FBN3: variants seen among roughly 807,000 people sequenced by gnomAD.
FBN3 encodes the protein fibrillin-3.
Under a neutral mutation model 330.1 loss-of-function variants are expected in FBN3, and 234 were observed. That is an observed-to-expected ratio of 0.71 (90% CI 0.64 to 0.79). The LOEUF is 0.79. FBN3 is among the 30% of genes least tolerant of loss of function. The pLI, the probability that FBN3 is intolerant of heterozygous loss-of-function variation, is 0.00. For missense variants in FBN3, 3,606 were observed against 3,886.9 expected, an observed-to-expected ratio of 0.93 and a Z score of 1.92; for synonymous variants, 1,458 against 1,517.3, an observed-to-expected ratio of 0.96 and a Z score of 0.91.
chr19:8,075,481 G>T, intron 59 of FBN3, 70 bp from the exon 60 acceptor site: 1 of 1,519,598 alleles, frequency 6.6e-7, no homozygotes. Flanking sequence ...CACAATGCCA[G>T]TCCCACCACT....
intron 10 of FBN3, among the ~76,000 whole-genome samples, chr19:8,137,301 C>CTAGATCCCTCCAACCTGGGGCCT (rs1283290508): frequency 1.3e-5 from 2 of 151,086 alleles, no homozygotes; most frequent in Non-Finnish European, 1.5e-5. Context: ...AACCTGGGCC[C>CTAGATCCCTCCAACCTGGGGCCT]TAGATCCCTC....
At chr19:8,086,823 G>C (rs1325754649) in intron 54 of FBN3, among the ~76,000 whole-genome samples, 1 of 151,468 alleles carries the variant, frequency 6.6e-6, no homozygotes, top group African/African-American at 2.4e-5. Context: ...GTCCAGGCTG[G>C]AGTGCAGCGG....
At chr19:8,124,079 C>T in intron 22 of FBN3, 71 bp from the exon 23 acceptor site, 2 of 1,301,138 alleles carry the variant, frequency 1.5e-6, no homozygotes, top group Non-Finnish European at 2.2e-6. Context: ...GCGTGCCGCT[C>T]AGTCACTCCC....
At position 8,121,415 on chromosome 19, in the gene FBN3, G is replaced by A. The variant is rs765939431; in HGVS notation, c.3083-29C>T. On this transcript the variant is annotated intron_variant, in intron 24 of 63. Transcript: ENST00000600128. This position sits in a 1 kb window ranked among gnomAD's most constrained non-coding sequence, Gnocchi z 4.5. Reference sequence around the variant, plus strand: ...TGGGGAGAGGGGGCAGAGGCCGGAGGCGCCATGTGGGCCGCATCATGGGGC... The same window carrying A: ...TGGGGAGAGGGGGCAGAGGCCGGAGACGCCATGTGGGCCGCATCATGGGGC... The A allele has an allele frequency of 4.5e-6, 7 of 1,565,712 alleles. No homozygotes were observed. Among genetic ancestry groups the A allele is most frequent in the African/African-American group, 4.1e-5 (3 of 74,006 alleles).
intron 37 of FBN3, 37 bp from the exon 38 acceptor site, chr19:8,106,270 A>C: frequency 1.2e-6 from 2 of 1,613,014 alleles, no homozygotes; most frequent in Non-Finnish European, 1.7e-6. Context: ...TGGGAGCTAA[A>C]CCCATGCAGA....
At chr19:8,083,513 C>T in intron 56 of FBN3, 141 bp from the exon 57 acceptor site, 1 of 948,222 alleles carries the variant, frequency 1.1e-6, no homozygotes, top group South Asian at 1.5e-5. Flanking sequence ...CACCCCAGCC[C>T]ACGTGGACCC....
rs189771736 is a variant in FBN3 at position 8,101,788 on chromosome 19, A to C, written c.5090-816T>G. Reference sequence around the variant, plus strand: ...GCCCCAGCTACTCCTGTGAATCTTCAAGGGCCTTTCCCACCAATGAAAACT... The same window carrying C: ...GCCCCAGCTACTCCTGTGAATCTTCCAGGGCCTTTCCCACCAATGAAAACT... On this transcript the variant is annotated intron_variant, in intron 40 of 63. Coordinates refer to ENST00000600128, the MANE Select transcript of FBN3 (RefSeq NM_032447.5). Among the ~76,000 whole-genome samples, 920 of 152,142 alleles carry C rather than the reference A, an allele frequency of 6.0e-3. 14 individuals carry two copies. Among genetic ancestry groups the C allele is most frequent in the African/African-American group, 0.021 (874 of 41,472 alleles).
At chr19:8,135,935 T>TTGGGGGGGGGGGGGGGGGGCCG in intron 13 of FBN3, 26 bp downstream of exon 13, 4 of 1,344,156 alleles carry the variant, frequency 3.0e-6, no homozygotes, top group Middle Eastern at 2.6e-4. Flanking sequence ...CGGAAGCCCC[T>TTGGGGGGGGGGGGGGGGGGCCG]GCCCACCCGC....
intron 63 of FBN3, among the ~76,000 whole-genome samples, chr19:8,069,881 A>G (rs563988062): frequency 6.6e-6 from 1 of 152,298 alleles, no homozygotes; most frequent in Non-Finnish European, 1.5e-5. Context: ...AGGTGGGCTG[A>G]TCACTTGAGG....
intron 25 of FBN3, among the ~76,000 whole-genome samples, chr19:8,119,693 T>C (rs529802429): frequency 6.6e-6 from 1 of 151,732 alleles, no homozygotes; most frequent in East Asian, 1.9e-4. Flanking sequence ...TTTGTATTTT[T>C]AGTAGAGACA....
At chr19:8,089,085 A>C (rs898926468) in intron 51 of FBN3, among the ~76,000 whole-genome samples, 1 of 151,972 alleles carries the variant, frequency 6.6e-6, no homozygotes, top group Non-Finnish European at 1.5e-5. Context: ...TAAATGAATA[A>C]GTGAGTGAAT....
chr19:8,084,394 G>A (rs1240436140), intron 56 of FBN3, among the ~76,000 whole-genome samples: 2 of 151,862 alleles, frequency 1.3e-5, no homozygotes, highest in Admixed American at 6.6e-5. Context: ...ACACTGGGCC[G>A]GGCGCGGTGG....
At position 8,121,198 on chromosome 19, in the gene FBN3, TCTC is replaced by T; in HGVS notation, c.3211+57_3211+59del. On this transcript the variant is annotated intron_variant, in intron 25 of 63. Transcript: ENST00000600128. The surrounding 1 kb of genome is among the most constrained non-coding windows in gnomAD (Gnocchi z 4.5). Reference sequence around the variant, plus strand: ...CAGCAACAGCCGTCCCCACCCTCCCTCTCCTCAATGCCCTCCCTGCCCAGGGCG... The same window carrying T: ...CAGCAACAGCCGTCCCCACCCTCCCTCTCAATGCCCTCCCTGCCCAGGGCG... 1 of 1,019,640 alleles carries T rather than the reference TCTC, an allele frequency of 9.8e-7. No individual in the cohort carries two copies. The highest frequency in any genetic ancestry group is 3.3e-5 in the East Asian group (1 of 30,486). The allele number at this position is 1,019,640 out of a possible 1,614,324, so 63.2% of individuals were successfully genotyped here.
chr19:8,080,268 C>G (rs947693066), intron 59 of FBN3, among the ~76,000 whole-genome samples: 1 of 152,228 alleles, frequency 6.6e-6, no homozygotes, highest in Non-Finnish European at 1.5e-5. Flanking sequence ...AAAGGGGCCA[C>G]CCTTGACTAG....
At chr19:8,143,886 C>A (rs1159040985) in intron 6 of FBN3, among the ~76,000 whole-genome samples, 1 of 150,998 alleles carries the variant, frequency 6.6e-6, no homozygotes, top group East Asian at 1.9e-4. Context: ...GGCACCACCA[C>A]GGCTCACTGC....
chr19:8,123,364 A>T, intron 24 of FBN3, 100 bp downstream of exon 24: 1 of 1,237,986 alleles, frequency 8.1e-7, no homozygotes, highest in Non-Finnish European at 1.1e-6. Context: ...CGAAAAAAAA[A>T]AGAAGAAGAA....
Position 8,108,231 on chromosome 19 carries a change from G to A in FBN3, c.4626C>T (p.Tyr1542=), listed in dbSNP as rs200107747. ...CCTCACCACCCGGGCACAGGGTTCT[G>A]TACTCAGCTGTAAAGGGAAACAGGC... ...ELCPMANTTE[Y]RTLCPGGEGF... The change falls in exon 37 of 64, where the codon TAC becomes TAT. Residue 1542 remains tyrosine, a synonymous_variant. Coordinates refer to ENST00000600128, the MANE Select transcript of FBN3 (RefSeq NM_032447.5). 6.8e-6 allele frequency: 11 copies of A among 1,610,474 alleles called. 1 individual carries two copies. Among genetic ancestry groups the A allele is most frequent in the African/African-American group, 1.3e-5 (1 of 74,824 alleles).
intron 24 of FBN3, among the ~76,000 whole-genome samples, 178 bp downstream of exon 24, chr19:8,123,286 G>A (rs565854050): frequency 2.6e-5 from 4 of 152,124 alleles, no homozygotes; most frequent in South Asian, 2.1e-4. Flanking sequence ...CCTGGGAGGC[G>A]GAGGTTGCAG....
intron 18 of FBN3, among the ~76,000 whole-genome samples, chr19:8,127,904 G>A (rs751919063): frequency 2.0e-5 from 3 of 152,188 alleles, no homozygotes; most frequent in African/African-American, 7.2e-5. Context: ...TCTCTTAAAC[G>A]GCGGGAGAAT....
Sources: allele counts gnomAD v4.1 joint callset (sites outside exome capture counted in the v4.1 genomes callset), GRCh38; gene constraint gnomAD v4.1.1; non-coding constraint Gnocchi (gnomAD v3.1); transcripts MANE v1.5; gene names NCBI Gene and HGNC (gene_info 2026-07-23, HGNC 2026-07-21).